Variants in EPG5 observed in about 807,000 individuals in gnomAD.
EPG5 encodes ectopic P-granules 5 autophagy tethering factor.
EPG5 carries 159 observed loss-of-function variants against 302.7 expected under a neutral mutation model. The observed-to-expected ratio is 0.53, with a 90% CI of 0.46 to 0.60. The LOEUF (loss-of-function observed/expected upper bound fraction) is 0.60, where lower values mean the gene tolerates loss of function less well. Among genes scored for constraint, EPG5 ranks in the 20% least tolerant of loss-of-function variants. EPG5 has a pLI of 0.00. For missense variants in EPG5, 2,896 were observed against 3,092.4 expected, an observed-to-expected ratio of 0.94 and a Z score of 1.51; for synonymous variants, 1,158 against 1,136.8, an observed-to-expected ratio of 1.02 and a Z score of -0.37.
At chr18:45,934,479 C>CA (rs2050472472) in intron 11 of EPG5, among the ~76,000 whole-genome samples, 1 of 152,130 alleles carries the variant, frequency 6.6e-6, no homozygotes, top group Non-Finnish European at 1.5e-5. Flanking sequence ...AAAGCCTTAA[C>CA]AAATTTCTAG....
At chr18:45,931,542 A>C (rs2050396317) in intron 11 of EPG5, among the ~76,000 whole-genome samples, 1 of 152,200 alleles carries the variant, frequency 6.6e-6, no homozygotes, top group African/African-American at 2.4e-5. Context: ...TTTTAAAAAT[A>C]TATGTGCTTG....
chr18:45,958,802 G>A (rs964808930), intron 1 of EPG5, among the ~76,000 whole-genome samples: 2 of 152,108 alleles, frequency 1.3e-5, no homozygotes, highest in African/African-American at 4.8e-5. Flanking sequence ...AAGATCAATT[G>A]GACTTCATCA....
At chr18:45,940,693 T>C (rs1362169779) in intron 9 of EPG5, among the ~76,000 whole-genome samples, 1 of 151,762 alleles carries the variant, frequency 6.6e-6, no homozygotes, top group Non-Finnish European at 1.5e-5. Flanking sequence ...CCTATGTTAG[T>C]GGCATATAAA....
At chr18:45,811,934 A>C in the EPG5 span, among the ~76,000 whole-genome samples, 229 of 152,306 alleles carry the variant, frequency 1.5e-3, no homozygotes, top group African/African-American at 5.1e-3. Context: ...AGGCAGGAGA[A>C]AGAAATAAAG....
rs369276920 is a variant in EPG5 at position 45,948,473 on chromosome 18, C to A, written c.1571+30G>T. The A allele has an allele frequency of 1.9e-6, 3 of 1,569,950 alleles. No homozygotes were observed. The African/African-American group carries it at 4.1e-5, about 21-fold the overall frequency. The stretch of plus-strand genomic sequence containing the variant: ...CTTTAGAAGAAAGAAGCATTTCAAT[C>A]TCTACTTCACAAAGCTCTTGCACAC... On this transcript the variant is annotated intron_variant, in intron 6 of 43. Coordinates refer to ENST00000282041, the MANE Select transcript of EPG5 (RefSeq NM_020964.3).
At chr18:45,836,924 G>T in the EPG5 span, 2 of 717,492 alleles carry the variant, frequency 2.8e-6, no homozygotes, top group Non-Finnish European at 2.6e-6. Flanking sequence ...AGGCGATCCT[G>T]AACGCTGGCT....
chr18:45,907,232 C>T (rs1453794425), intron 24 of EPG5: 2 of 152,174 alleles, frequency 1.3e-5, no homozygotes, highest in African/African-American at 4.8e-5. Flanking sequence ...TGTTTCAACT[C>T]TTAGAGTTTC....
chr18:45,859,157 T>A (rs1292362848), intron 40 of EPG5, among the ~76,000 whole-genome samples: 1 of 152,232 alleles, frequency 6.6e-6, no homozygotes, highest in East Asian at 1.9e-4. Context: ...AATACCCTTT[T>A]TAAGAACATA....
intron 10 of EPG5, among the ~76,000 whole-genome samples, 186 bp downstream of exon 10, chr18:45,939,414 C>A (rs2050611645): frequency 6.6e-6 from 1 of 151,998 alleles, no homozygotes; most frequent in African/African-American, 2.4e-5. Flanking sequence ...GAGAGAGAGA[C>A]CATTTCAGTC....
At chr18:45,818,732 CTT>C in the EPG5 span, among the ~76,000 whole-genome samples, 7 of 111,386 alleles carry the variant, frequency 6.3e-5, no homozygotes, top group East Asian at 2.7e-4. Context: ...TTTTGCATAA[CTT>C]TTTTTTTTTT....
chr18:45,933,536 G>A (rs1300781136), intron 11 of EPG5, among the ~76,000 whole-genome samples: 1 of 151,966 alleles, frequency 6.6e-6, no homozygotes, highest in Non-Finnish European at 1.5e-5. Flanking sequence ...AAATTAGCTG[G>A]GCATGGTGGT....
At chr18:45,855,738 A>G (rs1482614802) in intron 42 of EPG5, 51 bp from the exon 43 acceptor site, 1 of 1,175,456 alleles carries the variant, frequency 8.5e-7, no homozygotes, top group Non-Finnish European at 1.3e-6. Flanking sequence ...TAAAGTAAGC[A>G]TTTTGAAATA....
At chr18:45,948,802 A>T (rs373695836) in intron 5 of EPG5, among the ~76,000 whole-genome samples, 11 of 152,332 alleles carry the variant, frequency 7.2e-5, no homozygotes, top group Admixed American at 5.2e-4. Context: ...TATCTGTAAC[A>T]ACATGGGATG....
intron 6 of EPG5, among the ~76,000 whole-genome samples, chr18:45,947,024 A>G (rs2050797914): frequency 1.3e-5 from 2 of 152,254 alleles, no homozygotes; most frequent in Non-Finnish European, 2.9e-5. Context: ...TGCATGATGC[A>G]GGACCTCAAT....
chr18:45,904,152 A>C (rs1479004022), intron 24 of EPG5, 35 bp from the exon 25 acceptor site: 2 of 1,596,294 alleles, frequency 1.3e-6, no homozygotes, highest in Non-Finnish European at 1.7e-6. Flanking sequence ...ACTCTGACAG[A>C]CAAGTCATAG....
the EPG5 span, among the ~76,000 whole-genome samples, chr18:45,831,591 T>C: frequency 2.6e-5 from 4 of 152,210 alleles, no homozygotes; most frequent in South Asian, 8.3e-4. Context: ...TAGCACATGG[T>C]AAACTCTCAA....
chr18:45,860,285 C>G lies in EPG5; in HGVS notation c.6828G>C (p.Met2276Ile), dbSNP rs1487918314. 1 of 1,614,128 alleles carries G rather than the reference C, an allele frequency of 6.2e-7. No individual in the cohort carries two copies. Among genetic ancestry groups the G allele is most frequent in the East Asian group, 2.2e-5 (1 of 44,894 alleles). The part of the protein sequence containing the change: ...LSSLFMEVLM[M>I]MNNATIPTAE... ...CTGTTGGAATAGTCGCGTTGTTCAT[C>G]ATCATCAGGACTTCCATAAAGAGGC... Residue 2276 changes from methionine (M) to isoleucine (I), a missense_variant, in exon 40 of 44, where the codon ATG (methionine) becomes ATC (isoleucine). Around this residue, in one of 5 missense-constraint regions of EPG5, gnomAD observed 620 missense variants for 704.2 expected, o/e 0.88. Transcript: ENST00000282041.
intron 39 of EPG5, among the ~76,000 whole-genome samples, chr18:45,864,219 C>T (rs2048694506): frequency 6.6e-6 from 1 of 152,136 alleles, no homozygotes; most frequent in South Asian, 2.1e-4. Context: ...CATCAGCAAT[C>T]CTCCTGCCTC....
At chr18:45,938,191 T>C (rs1232419539) in intron 10 of EPG5, among the ~76,000 whole-genome samples, 1 of 152,130 alleles carries the variant, frequency 6.6e-6, no homozygotes, top group Non-Finnish European at 1.5e-5. Context: ...CCGGGTGAAG[T>C]GGCTCATGTC....
Sources: gnomAD v4.1 joint callset for allele counts (sites outside exome capture counted in the v4.1 genomes callset) on GRCh38, gnomAD v4.1.1 for gene constraint, gnomAD v4.1.1 regional missense constraint, MANE v1.5 for transcripts, NCBI Gene and HGNC (gene_info 2026-07-23, HGNC 2026-07-21) for gene names.